The following PRKAR1A variants were observed in gnomAD, a reference collection of about 807,000 sequenced individuals.
The protein encoded by PRKAR1A is cAMP-dependent protein kinase type I-alpha regulatory subunit.
In PRKAR1A, 3 loss-of-function variants were observed where a neutral mutation model predicts 52.0. The ratio of observed to expected loss-of-function variants is 0.06; its 90% CI spans 0.03 to 0.15. The LOEUF (loss-of-function observed/expected upper bound fraction) is 0.15. PRKAR1A is among the 10% of genes least tolerant of loss of function. The probability of loss-of-function intolerance (pLI) is 1.00; values close to 1 mark genes in which losing one functional copy is unlikely to be tolerated. For missense variants in PRKAR1A, 240 were observed against 477.4 expected, an observed-to-expected ratio of 0.50 and a Z score of 4.63; for synonymous variants, 188 against 168.4, an observed-to-expected ratio of 1.12 and a Z score of -0.90.
chr17:68,429,075 G>A, the PRKAR1A span: 2 of 643,218 alleles, frequency 3.1e-6, no homozygotes, highest in East Asian at 2.8e-5. Context: ...TCTGGTCTGG[G>A]CTTCTGGCTA....
chr17:68,486,506 C>CTTCCTTCTTTCT, the PRKAR1A span, among the ~76,000 whole-genome samples: 21 of 48,250 alleles, frequency 4.4e-4, no homozygotes, highest in South Asian at 1.7e-3. Context: ...TCCTTCCTTC[C>CTTCCTTCTTTCT]TTCTTTCTTT....
the PRKAR1A span, chr17:68,428,952 A>G: frequency 5.6e-6 from 9 of 1,600,094 alleles, no homozygotes; most frequent in African/African-American, 1.2e-4. Flanking sequence ...GGCCAAGGAA[A>G]ACATAAACCG....
chr17:68,463,341 C>G, the PRKAR1A span, among the ~76,000 whole-genome samples: 33 of 152,158 alleles, frequency 2.2e-4, no homozygotes, highest in Non-Finnish European at 1.0e-4. Context: ...ACACAGAAGC[C>G]TCCCTCACCA....
At chr17:68,505,961 T>C in the PRKAR1A span, among the ~76,000 whole-genome samples, 5 of 152,356 alleles carry the variant, frequency 3.3e-5, no homozygotes, top group African/African-American at 1.2e-4. Flanking sequence ...TGCCAATTTT[T>C]TTGTAAACCT....
At chr17:68,538,245 C>A (rs1167605496), downstream of PRKAR1A, among the ~76,000 whole-genome samples, 1 of 152,144 alleles carries the variant, frequency 6.6e-6, no homozygotes, top group Non-Finnish European at 1.5e-5. Flanking sequence ...ATTTCAGTTT[C>A]TTTTTATGTG....
At chr17:68,529,547 T>C (rs900344088) in intron 9 of PRKAR1A, among the ~76,000 whole-genome samples, 6 of 152,240 alleles carry the variant, frequency 3.9e-5, no homozygotes, top group Admixed American at 1.3e-4. Flanking sequence ...TTGTGGACCA[T>C]AGGGTTTCAT....
In PRKAR1A at chr17:68,522,704, C is replaced by T. The variant is rs954624984; in HGVS notation, c.178-52C>T. 3.1e-6 allele frequency: 5 copies of T among 1,587,772 alleles called. No homozygotes were observed. In the African/African-American group the frequency reaches 6.7e-5, roughly 21 times the overall value. The stretch of plus-strand genomic sequence containing the variant: ...AGACTATCATTGGAACATGAGAGTG[C>T]CAGCTTTACATGCCGAAGGATCTCA... On this transcript the variant is annotated intron_variant, in intron 2 of 10. Transcript: ENST00000589228.
At chr17:68,521,623 A>G (rs781751376) in intron 2 of PRKAR1A, among the ~76,000 whole-genome samples, 78 of 152,272 alleles carry the variant, frequency 5.1e-4, no homozygotes, top group Non-Finnish European at 9.8e-4. Flanking sequence ...TGGAACAACC[A>G]GAATTAACAT....
chr17:68,550,645 T>G (rs538315258), intron 11 of PRKAR1A, among the ~76,000 whole-genome samples: 1 of 152,284 alleles, frequency 6.6e-6, no homozygotes, highest in East Asian at 1.9e-4. Flanking sequence ...CCTACCAAAG[T>G]ACTGGGATTA....
At chr17:68,510,188 A>AGAGAGAGAGAGAGAGAGAGG (rs1568683097), upstream of PRKAR1A, among the ~76,000 whole-genome samples, 3 of 151,488 alleles carry the variant, frequency 2.0e-5, no homozygotes, top group African/African-American at 7.3e-5. Flanking sequence ...AGAGAGAGAG[A>AGAGAGAGAGAGAGAGAGAGG]GAGAGAGATC....
At chr17:68,478,911 A>G in the PRKAR1A span, among the ~76,000 whole-genome samples, 1 of 152,104 alleles carries the variant, frequency 6.6e-6, no homozygotes, top group Non-Finnish European at 1.5e-5. Context: ...TATTTTTAGT[A>G]GAGACGGGGT....
At chr17:68,494,953 TAAAC>T in the PRKAR1A span, among the ~76,000 whole-genome samples, 1 of 152,356 alleles carries the variant, frequency 6.6e-6, no homozygotes. Flanking sequence ...GGAATTCTAT[TAAAC>T]AAAGAAAGTC....
intron 11 of PRKAR1A, chr17:68,542,931 G>C: frequency 4.0e-6 from 3 of 747,836 alleles, no homozygotes; most frequent in Non-Finnish European, 7.1e-6. Flanking sequence ...GGCCGGTGAG[G>C]CGTGACTCTG....
the PRKAR1A span, among the ~76,000 whole-genome samples, chr17:68,492,155 T>C: frequency 6.6e-6 from 1 of 152,216 alleles, no homozygotes; most frequent in Non-Finnish European, 1.5e-5. Context: ...GAAAGCCAAG[T>C]GGCTGACTTG....
At chr17:68,485,132 T>C in the PRKAR1A span, among the ~76,000 whole-genome samples, 3 of 152,186 alleles carry the variant, frequency 2.0e-5, no homozygotes, top group East Asian at 3.8e-4. Context: ...TTAGATTATT[T>C]TACCCACCAA....
chr17:68,548,721 GTA>G (rs894002876), intron 11 of PRKAR1A, among the ~76,000 whole-genome samples: 2,346 of 132,798 alleles, frequency 0.018, 103 homozygotes, highest in South Asian at 0.023. Context: ...AGCTATGCCT[GTA>G]TATTTTTTTT....
chr17:68,424,901 A>G, the PRKAR1A span, among the ~76,000 whole-genome samples: 2 of 152,176 alleles, frequency 1.3e-5, no homozygotes, highest in African/African-American at 4.8e-5. Context: ...ACAAATCAGT[A>G]CTTCCATCTC....
rs933780317 is a variant in PRKAR1A at position 68,531,790 on chromosome 17, T to C, written c.*1341T>C. 45 of 1,034,490 alleles carry C rather than the reference T, an allele frequency of 4.3e-5. No homozygotes were observed. The African/African-American group carries it at 7.3e-4, about 17-fold the overall frequency. The allele number at this position is 1,034,490 out of a possible 1,614,324, so 64.1% of individuals were successfully genotyped here. On this transcript the variant is annotated 3_prime_UTR_variant, in exon 11 of 11. Coordinates refer to ENST00000589228, the MANE Select transcript of PRKAR1A (RefSeq NM_002734.5). ...TTTTCCAGCCTTATGTGTTACATTA[T>C]TCCAATGATACCCAACAGTTTATTT...
rs903537249 is a variant in PRKAR1A, at chr17:68,539,232, C to G, written c.973+9231C>G. On this transcript the variant is annotated intron_variant, in intron 11 of 11. Coordinates refer to the PRKAR1A transcript ENST00000585981. Reference sequence around the variant, plus strand: ...TGATTCATGTCATTCTACCCACTTACGTCCTGGACCAGTGAAAACTGGAAG... The same window carrying G: ...TGATTCATGTCATTCTACCCACTTAGGTCCTGGACCAGTGAAAACTGGAAG... 6.7e-6 allele frequency: 7 copies of G among 1,050,922 alleles called. No homozygotes were observed. In the East Asian group the frequency reaches 1.7e-4, roughly 25 times the overall value. 65.1% of individuals were successfully genotyped at this position (1,050,922 alleles called of 1,614,324 possible).
Sources: allele counts gnomAD v4.1 joint callset (sites outside exome capture counted in the v4.1 genomes callset), GRCh38; gene constraint gnomAD v4.1.1; transcripts MANE v1.5; gene names NCBI Gene and HGNC (gene_info 2026-07-23, HGNC 2026-07-21).